Variants in FAM53A observed in about 807,000 individuals in gnomAD.
The protein encoded by FAM53A is protein FAM53A.
FAM53A carries 28 observed loss-of-function variants against 26.6 expected under a neutral mutation model. The observed-to-expected ratio is 1.05, with a 90% confidence interval of 0.78 to 1.45. The LOEUF is 1.45. FAM53A is among the 40% of genes most tolerant of loss of function. FAM53A has a pLI of 0.00. For missense variants in FAM53A, 650 were observed against 575.8 expected (o/e 1.13, Z -1.32); for synonymous variants, 290 against 253.1 (o/e 1.15, Z -1.38).
At chr4:1,634,304 G>A (rs1404890387) in intron 1 of FAM53A, among the ~76,000 whole-genome samples, 1 of 152,088 alleles carries the variant, frequency 6.6e-6, no homozygotes, top group Non-Finnish European at 1.5e-5. Context: ...GAGGGCTCCT[G>A]TTACCCTCTG....
the FAM53A span, among the ~76,000 whole-genome samples, chr4:1,596,562 C>G: frequency 6.6e-6 from 1 of 152,176 alleles, no homozygotes; most frequent in Admixed American, 6.5e-5. Context: ...ACTCATCTGC[C>G]CTCCATTTCC....
intron 1 of FAM53A, among the ~76,000 whole-genome samples, chr4:1,672,431 T>C (rs1714747914): frequency 6.6e-6 from 1 of 152,012 alleles, no homozygotes; most frequent in Non-Finnish European, 1.5e-5. Context: ...GAGGTGGGGG[T>C]GGCGGGAAGC....
intron 2 of FAM53A, among the ~76,000 whole-genome samples, chr4:1,660,035 A>G (rs1311291742): frequency 6.6e-6 from 1 of 151,844 alleles, no homozygotes; most frequent in Admixed American, 6.6e-5. Flanking sequence ...GGGGGCACAC[A>G]CCTGAATCCC....
the FAM53A span, among the ~76,000 whole-genome samples, chr4:1,577,580 A>AT: frequency 2.0e-5 from 3 of 152,230 alleles, no homozygotes; most frequent in Non-Finnish European, 2.9e-5. Context: ...GTAGAATATC[A>AT]TTTTTTTAAT....
At chr4:1,577,593 C>T in the FAM53A span, among the ~76,000 whole-genome samples, 1 of 152,302 alleles carries the variant, frequency 6.6e-6, no homozygotes, top group Non-Finnish European at 1.5e-5. Flanking sequence ...TTTTTAATTA[C>T]CAGCCCTGGG....
Position 1,664,127 on chromosome 4 carries a change from G to C in FAM53A, c.75+4540C>G, listed in dbSNP as rs80228934. 6.5e-3 allele frequency among the ~76,000 whole-genome samples: 983 copies of C among 152,324 alleles called. 11 individuals are homozygous for C. Among genetic ancestry groups the C allele is most frequent in the African/African-American group, 0.022 (924 of 41,574 alleles). On this transcript the variant is annotated intron_variant, in intron 2 of 4. Transcript: ENST00000308132. ...AACAAATTCTTAAACTCAGACAATT[G>C]GAGAAGTTTGAATGCTGACCGGATA...
chr4:1,626,553 C>G (rs1867929), intron 1 of FAM53A, among the ~76,000 whole-genome samples: 1 of 150,698 alleles, frequency 6.6e-6, no homozygotes, highest in Non-Finnish European at 1.5e-5. Context: ...TGCCCTGAGC[C>G]CGGGGGGACC....
the FAM53A span, among the ~76,000 whole-genome samples, chr4:1,589,564 A>T: frequency 6.6e-6 from 1 of 151,976 alleles, no homozygotes; most frequent in Non-Finnish European, 1.5e-5. Flanking sequence ...TTTGTTTTCC[A>T]TTTCAATTTC....
chr4:1,654,295 T>G (rs533889846), intron 4 of FAM53A, among the ~76,000 whole-genome samples: 2 of 152,354 alleles, frequency 1.3e-5, no homozygotes, highest in African/African-American at 4.8e-5. Context: ...CAGAGGTCTC[T>G]GGTGAATGCA....
chr4:1,592,237 GAAGGTTTTCTA>G, the FAM53A span, among the ~76,000 whole-genome samples: 1 of 152,280 alleles, frequency 6.6e-6, no homozygotes, highest in African/African-American at 2.4e-5. Context: ...ATAATCTCGT[GAAGGTTTTCTA>G]AATTAAGACC....
chr4:1,624,569 C>A (rs577890133), intron 1 of FAM53A, among the ~76,000 whole-genome samples: 2 of 152,312 alleles, frequency 1.3e-5, no homozygotes, highest in South Asian at 4.1e-4. Context: ...GATTCCCACT[C>A]AGCCCCTCTG....
chr4:1,678,862 C>A (rs1431664969), intron 1 of FAM53A, among the ~76,000 whole-genome samples: 1 of 151,834 alleles, frequency 6.6e-6, no homozygotes, highest in African/African-American at 2.4e-5. Flanking sequence ...TTCATGAAAA[C>A]TAACTCAAAA....
intron 1 of FAM53A, among the ~76,000 whole-genome samples, chr4:1,633,371 T>C (rs1032411342): frequency 6.6e-6 from 1 of 152,182 alleles, no homozygotes; most frequent in Non-Finnish European, 1.5e-5. Flanking sequence ...AAAATTCGCC[T>C]CAAGAGACGA....
At chr4:1,680,115 T>A (rs1295815908) in intron 1 of FAM53A, among the ~76,000 whole-genome samples, 6 of 147,154 alleles carry the variant, frequency 4.1e-5, no homozygotes, top group Admixed American at 6.8e-5. Flanking sequence ...GAGGTCAGGG[T>A]TCAAGACCAG....
At chr4:1,652,365 CAA>C (rs1491266061) in intron 4 of FAM53A, among the ~76,000 whole-genome samples, 11 of 141,210 alleles carry the variant, frequency 7.8e-5, no homozygotes, top group Non-Finnish European at 1.5e-4. Flanking sequence ...GTCACACGCA[CAA>C]CACACACAAC....
downstream of FAM53A, among the ~76,000 whole-genome samples, chr4:1,636,754 C>T (rs192058345): frequency 1.3e-5 from 2 of 152,364 alleles, no homozygotes; most frequent in Admixed American, 6.5e-5. Flanking sequence ...CAGAGGGGTC[C>T]GCGTCTGCGT....
At chr4:1,643,093 T>C (rs1379981566) in intron 4 of FAM53A, among the ~76,000 whole-genome samples, 1 of 152,176 alleles carries the variant, frequency 6.6e-6, no homozygotes, top group Non-Finnish European at 1.5e-5. Context: ...CTGGAAACAC[T>C]TCCAGCGACT....
the FAM53A span, among the ~76,000 whole-genome samples, chr4:1,575,373 C>G: frequency 6.6e-6 from 1 of 152,194 alleles, no homozygotes. Flanking sequence ...TTGGCATCAT[C>G]CAAGGTGCAG....
intron 1 of FAM53A, among the ~76,000 whole-genome samples, chr4:1,622,270 G>C (rs1715073275): frequency 6.6e-6 from 1 of 152,240 alleles, no homozygotes; most frequent in African/African-American, 2.4e-5. Context: ...GTGACGGTCA[G>C]AGTGCAGCCC....
Sources: gnomAD v4.1 joint callset for allele counts (sites outside exome capture counted in the v4.1 genomes callset) on GRCh38, gnomAD v4.1.1 for gene constraint, MANE v1.5 for transcripts, NCBI Gene and HGNC (gene_info 2026-07-23, HGNC 2026-07-21) for gene names.